CNTNAP2: variants seen among roughly 807,000 people sequenced by gnomAD.
The protein encoded by CNTNAP2 is contactin associated protein 2, also known as contactin-associated protein-like 2.
In CNTNAP2, 98 loss-of-function variants were observed where a neutral mutation model predicts 155.2. The observed-to-expected ratio is 0.63, with a 90% CI of 0.54 to 0.75. CNTNAP2 has a LOEUF of 0.75. Ranked by LOEUF, CNTNAP2 falls within the 30% of genes least tolerant of loss-of-function variation. CNTNAP2 has a pLI of 0.00. For synonymous variants in CNTNAP2, 651 were observed against 631.2 expected, an observed-to-expected ratio of 1.03 and a Z score of -0.47; for missense variants, 1,727 against 1,688.1, an observed-to-expected ratio of 1.02 and a Z score of -0.40.
At chr7:148,265,399 G>A (rs956407820) in intron 20 of CNTNAP2, among the ~76,000 whole-genome samples, 22 of 152,028 alleles carry the variant, frequency 1.4e-4, no homozygotes, top group African/African-American at 7.2e-5. Context: ...TCAGCCTCTC[G>A]AGTAGCTGTG....
chr7:147,887,017 T>C (rs10263426), intron 13 of CNTNAP2, among the ~76,000 whole-genome samples: 6,011 of 152,268 alleles, frequency 0.039, 381 homozygotes, highest in African/African-American at 0.14. Context: ...ATTTGTAGAA[T>C]AGTTCCTCTA....
chr7:146,274,978 A>T (rs802509), intron 1 of CNTNAP2, among the ~76,000 whole-genome samples: 113,116 of 152,148 alleles, frequency 0.74, 42,765 homozygotes, highest in African/African-American at 0.88. Context: ...TCTGCAACAG[A>T]GATGATTTGG....
rs979486416 is a variant in CNTNAP2, at chr7:147,945,522, C to T, written c.2256-32340C>T. Among the ~76,000 whole-genome samples the T allele has an allele frequency of 4.6e-5, 7 of 151,988 alleles. 1 individual carries two copies. Among genetic ancestry groups the T allele is most frequent in the African/African-American group, 1.7e-4 (7 of 41,376 alleles). ...AAAGGATCAAGTATATGGTTGAAGA[C>T]TCAAAAAGCTTTTTATTTGGGACAG... is the stretch of plus-strand genomic sequence containing the variant. On this transcript the variant is annotated intron_variant, in intron 14 of 23. Coordinates refer to ENST00000361727, the MANE Select transcript of CNTNAP2 (RefSeq NM_014141.6).
chr7:147,059,827 C>A (rs1053234073), intron 4 of CNTNAP2, among the ~76,000 whole-genome samples: 8 of 152,074 alleles, frequency 5.3e-5, no homozygotes, highest in Admixed American at 4.6e-4. Context: ...TAATTTTTGG[C>A]CTTTCTACCA....
chr7:146,334,376 A>ATCTT, intron 1 of CNTNAP2, among the ~76,000 whole-genome samples: 1 of 150,652 alleles, frequency 6.6e-6, no homozygotes, highest in African/African-American at 2.5e-5. Flanking sequence ...GGTTGCAGTG[A>ATCTT]GCCAAGATCG....
At chr7:147,936,828 G>A (rs936194901) in intron 14 of CNTNAP2, among the ~76,000 whole-genome samples, 9 of 152,136 alleles carry the variant, frequency 5.9e-5, no homozygotes, top group East Asian at 5.8e-4. Context: ...TCCTGTTACC[G>A]TCTCTTTGTG....
intron 15 of CNTNAP2, among the ~76,000 whole-genome samples, chr7:148,033,004 G>A (rs1156707908): frequency 6.6e-6 from 1 of 152,162 alleles, no homozygotes; most frequent in African/African-American, 2.4e-5. Context: ...GAGTGACTGG[G>A]ATGACTGGAT....
chr7:146,501,126 AT>A (rs1436000658), intron 1 of CNTNAP2, among the ~76,000 whole-genome samples: 2 of 151,850 alleles, frequency 1.3e-5, no homozygotes, highest in Non-Finnish European at 2.9e-5. Flanking sequence ...GTCTGCTAGT[AT>A]TTTTGTTGAG....
intron 14 of CNTNAP2, among the ~76,000 whole-genome samples, chr7:147,970,652 G>A (rs576805971): frequency 1.4e-4 from 22 of 152,296 alleles, no homozygotes; most frequent in African/African-American, 5.3e-4. Flanking sequence ...ACTCCAAAAA[G>A]TTTAGAAGCC....
intron 14 of CNTNAP2, among the ~76,000 whole-genome samples, chr7:147,973,015 G>T (rs903956970): frequency 2.0e-5 from 3 of 151,830 alleles, no homozygotes; most frequent in African/African-American, 7.3e-5. Flanking sequence ...TAAAACAGTG[G>T]GCGTGGTGGC....
At chr7:146,133,503 A>G (rs997282185) in intron 1 of CNTNAP2, among the ~76,000 whole-genome samples, 6 of 152,114 alleles carry the variant, frequency 3.9e-5, no homozygotes, top group Non-Finnish European at 8.8e-5. Flanking sequence ...CTATGTCCTG[A>G]ATGGTAATGC....
At chr7:147,186,105 A>T (rs2116511422) in intron 8 of CNTNAP2, among the ~76,000 whole-genome samples, 1 of 152,286 alleles carries the variant, frequency 6.6e-6, no homozygotes, top group African/African-American at 2.4e-5. Context: ...CGACATTTTG[A>T]AAGGGAAGAG....
chr7:148,101,185 A>C (rs1804091634), intron 15 of CNTNAP2, among the ~76,000 whole-genome samples: 1 of 151,880 alleles, frequency 6.6e-6, no homozygotes, highest in Non-Finnish European at 1.5e-5. Context: ...CTAATGCTAA[A>C]TGACGAGTTC....
chr7:146,142,549 A>G (rs2116759471), intron 1 of CNTNAP2, among the ~76,000 whole-genome samples: 1 of 152,354 alleles, frequency 6.6e-6, no homozygotes, highest in South Asian at 2.1e-4. Context: ...GGAGGAATTA[A>G]AGATAGAAAA....
chr7:147,717,519 C>A (rs977937820), intron 13 of CNTNAP2, among the ~76,000 whole-genome samples: 5 of 152,074 alleles, frequency 3.3e-5, no homozygotes, highest in Admixed American at 3.3e-4. Flanking sequence ...CTGTATCTGA[C>A]TCCATAGCTA....
intron 3 of CNTNAP2, among the ~76,000 whole-genome samples, chr7:147,013,727 G>A (rs1483237084): frequency 1.3e-5 from 2 of 152,056 alleles, no homozygotes; most frequent in Admixed American, 6.6e-5. Context: ...GACATATAAG[G>A]AAGTATTTTC....
At chr7:146,491,600 C>G (rs1443930985) in intron 1 of CNTNAP2, among the ~76,000 whole-genome samples, 4 of 152,094 alleles carry the variant, frequency 2.6e-5, no homozygotes, top group African/African-American at 7.2e-5. Flanking sequence ...AAGGCTTTGT[C>G]ACTTCGGTAA....
intron 1 of CNTNAP2, among the ~76,000 whole-genome samples, chr7:146,215,924 C>G (rs1442618265): frequency 6.6e-6 from 1 of 152,078 alleles, no homozygotes; most frequent in Non-Finnish European, 1.5e-5. Flanking sequence ...AAAGCAGATT[C>G]TTAGATGAAG....
intron 3 of CNTNAP2, among the ~76,000 whole-genome samples, chr7:146,936,385 C>T (rs1419792953): frequency 6.6e-6 from 1 of 152,140 alleles, no homozygotes; most frequent in African/African-American, 2.4e-5. Flanking sequence ...TAAGGAGGTA[C>T]CATCTACTCA....
Sources: allele counts gnomAD v4.1 joint callset (sites outside exome capture counted in the v4.1 genomes callset), GRCh38; gene constraint gnomAD v4.1.1; transcripts MANE v1.5; gene names NCBI Gene and HGNC (gene_info 2026-07-23, HGNC 2026-07-21).